Variants in GLRA2 observed in about 807,000 individuals in gnomAD.
GLRA2 encodes the protein glycine receptor subunit alpha-2.
A neutral mutation model predicts 31.6 loss-of-function variants in GLRA2; 11 were observed. The ratio of observed to expected loss-of-function variants is 0.35; its 90% CI spans 0.22 to 0.58. The LOEUF is 0.58. Ranked by LOEUF, GLRA2 falls within the 20% of genes least tolerant of loss-of-function variation. GLRA2 has a pLI of 0.84. For synonymous variants in GLRA2, 132 were observed against 134.0 expected (o/e 0.99, Z 0.10); for missense variants, 212 against 351.8 (o/e 0.60, Z 3.18).
At chrX:14,595,938 TCTGGTGC>T (rs1458292166) in intron 4 of GLRA2, among the ~76,000 whole-genome samples, 3 of 112,016 alleles carry the variant, frequency 2.7e-5, no homozygotes, top group Non-Finnish European at 3.8e-5. Context: ...ATTTTAAGTG[TCTGGTGC>T]CTGGTGCCCA....
the GLRA2 span, among the ~76,000 whole-genome samples, chrX:14,467,136 ATGTT>A: frequency 8.9e-6 from 1 of 112,606 alleles, no homozygotes; most frequent in Non-Finnish European, 1.9e-5. Flanking sequence ...GAAAGTCTTC[ATGTT>A]TGTTTCTATT....
chrX:14,653,939 A>G (rs2090914855), intron 7 of GLRA2, among the ~76,000 whole-genome samples: 1 of 112,032 alleles, frequency 8.9e-6, no homozygotes, highest in Non-Finnish European at 1.9e-5. Context: ...AGCCTGGGCA[A>G]CATAGCAAGA....
intron 6 of GLRA2, 33 bp from the exon 7 acceptor site, chrX:14,608,958 G>A (rs750446177): frequency 1.5e-6 from 1 of 683,247 alleles, no homozygotes. Flanking sequence ...ATAAATTCAG[G>A]CTGGACTTTA....
intron 7 of GLRA2, among the ~76,000 whole-genome samples, chrX:14,670,334 G>A (rs1366771583): frequency 8.9e-6 from 1 of 111,801 alleles, no homozygotes; most frequent in Non-Finnish European, 1.9e-5. Flanking sequence ...ACCTCTGCCT[G>A]TTACCCAGTT....
chrX:14,588,732 T>G (rs1280909412), intron 4 of GLRA2, among the ~76,000 whole-genome samples: 1 of 112,125 alleles, frequency 8.9e-6, no homozygotes, highest in Non-Finnish European at 1.9e-5. Context: ...TTTTTCCATT[T>G]AGTTGTGTCG....
intron 7 of GLRA2, among the ~76,000 whole-genome samples, chrX:14,638,676 C>A (rs946972572): frequency 9.0e-6 from 1 of 110,672 alleles, no homozygotes; most frequent in African/African-American, 3.3e-5. Context: ...ACATTCACAC[C>A]AGCACCTATA....
At chrX:14,450,422 G>T in the GLRA2 span, among the ~76,000 whole-genome samples, 1 of 111,697 alleles carries the variant, frequency 9.0e-6, no homozygotes, top group East Asian at 2.8e-4. Context: ...TGCAGGTGTG[G>T]CGCCAGTAAT....
rs1051012202 is a variant in GLRA2 at position 14,650,635 on chromosome X, G to A, written c.931-40075G>A. ...CCATGGACCAAAAAAAATGTAACTT[G>A]TGCATTGCAATTTTTAATTATAATA... On this transcript the variant is annotated intron_variant, in intron 7 of 8. Transcript: ENST00000218075. Among the ~76,000 whole-genome samples the A allele has an allele frequency of 3.6e-5, 4 of 111,115 alleles. No individual in the cohort carries two copies. The East Asian group carries it at 1.1e-3, about 31-fold the overall frequency.
At chrX:14,480,315 T>G in the GLRA2 span, among the ~76,000 whole-genome samples, 3 of 111,990 alleles carry the variant, frequency 2.7e-5, no homozygotes, top group Admixed American at 2.8e-4. Flanking sequence ...CCGTAGGTTG[T>G]TTGTTTACTC....
chrX:14,556,577 G>A (rs746709203), intron 2 of GLRA2, among the ~76,000 whole-genome samples: 1 of 111,697 alleles, frequency 9.0e-6, no homozygotes, highest in Non-Finnish European at 1.9e-5. Flanking sequence ...CAACCTGAAG[G>A]TTCCATTTAG....
intron 8 of GLRA2, among the ~76,000 whole-genome samples, chrX:14,722,634 A>G (rs1170268658): frequency 7.2e-5 from 8 of 111,671 alleles, no homozygotes; most frequent in Admixed American, 3.8e-4. Flanking sequence ...TGGCAAACAC[A>G]ATATAATACA....
intron 7 of GLRA2, among the ~76,000 whole-genome samples, chrX:14,636,832 A>T (rs1201279768): frequency 4.5e-5 from 5 of 112,066 alleles, no homozygotes; most frequent in Admixed American, 1.9e-4. Flanking sequence ...AGTTTATTTT[A>T]AAAAGTGATA....
the GLRA2 span, among the ~76,000 whole-genome samples, chrX:14,487,387 T>TAA: frequency 0.02 from 567 of 27,874 alleles, 16 homozygotes; most frequent in African/African-American, 0.035. Flanking sequence ...TGGTTTTCTG[T>TAA]AAAAAAAAAA....
At chrX:14,676,517 T>C (rs773007004) in intron 7 of GLRA2, among the ~76,000 whole-genome samples, 1 of 112,296 alleles carries the variant, frequency 8.9e-6, no homozygotes, top group African/African-American at 3.2e-5. Flanking sequence ...CGCAGTTCTC[T>C]GGGGTCAGCC....
chrX:14,727,245 T>TAA lies in GLRA2; in HGVS notation c.1081-2959_1081-2958dup, dbSNP rs774113596. On this transcript the variant is annotated intron_variant, in intron 8 of 8. Transcript: ENST00000218075. ...GGGGAGGCAGGCATACATGTATTTG[T>TAA]AAAAGTTCCCCAGCAGCCAGAGCTG... Among the ~76,000 whole-genome samples the TAA allele has an allele frequency of 3.4e-4, 38 of 111,543 alleles. No individual in the cohort carries two copies. In the East Asian group the frequency reaches 0.01, roughly 31 times the overall value.
intron 2 of GLRA2, among the ~76,000 whole-genome samples, chrX:14,559,520 G>A (rs1350977808): frequency 1.0e-5 from 1 of 95,841 alleles, no homozygotes; most frequent in African/African-American, 4.0e-5. Flanking sequence ...GGGTTCAAGC[G>A]ATTCTCCTGC....
At chrX:14,653,070 C>T (rs2090905605) in intron 7 of GLRA2, among the ~76,000 whole-genome samples, 1 of 110,481 alleles carries the variant, frequency 9.1e-6, no homozygotes, top group South Asian at 3.9e-4. Flanking sequence ...AGATTCTTTT[C>T]AAAATATTAC....
chrX:14,617,920 G>A (rs1332396850), intron 7 of GLRA2, among the ~76,000 whole-genome samples: 1 of 112,020 alleles, frequency 8.9e-6, no homozygotes. Flanking sequence ...ACATGAGGAA[G>A]CAGCACCTGA....
At chrX:14,648,583 T>C (rs928666583) in intron 7 of GLRA2, among the ~76,000 whole-genome samples, 6 of 111,559 alleles carry the variant, frequency 5.4e-5, no homozygotes, top group Non-Finnish European at 9.4e-5. Flanking sequence ...TTGGAGAAGA[T>C]ATTTGTAAGA....
Sources: allele counts gnomAD v4.1 joint callset (sites outside exome capture counted in the v4.1 genomes callset), GRCh38; gene constraint gnomAD v4.1.1; transcripts MANE v1.5; gene names NCBI Gene and HGNC (gene_info 2026-07-23, HGNC 2026-07-21).